NT5DC3: variants seen among roughly 807,000 people sequenced by gnomAD.
The protein encoded by NT5DC3 is 5'-nucleotidase domain containing 3.
NT5DC3 carries 42 observed loss-of-function variants against 67.8 expected under a neutral mutation model. That is an observed-to-expected ratio of 0.62 (90% CI 0.48 to 0.80). NT5DC3 has a LOEUF of 0.80. Ranked by LOEUF, NT5DC3 falls within the 30% of genes least tolerant of loss-of-function variation. The probability of loss-of-function intolerance (pLI) is 0.00; values close to 1 mark genes in which losing one functional copy is unlikely to be tolerated. For synonymous variants in NT5DC3, 237 were observed against 255.6 expected (o/e 0.93, Z 0.69); for missense variants, 570 against 696.4 (o/e 0.82, Z 2.04).
the NT5DC3 span, chr12:103,759,338 G>A: frequency 1.1e-5 from 17 of 1,587,040 alleles, no homozygotes; most frequent in Non-Finnish European, 1.3e-5. Flanking sequence ...CTGGCATACA[G>A]TAGGTGCTTA....
chr12:103,809,899 TC>T (rs546886276), intron 2 of NT5DC3, among the ~76,000 whole-genome samples: 71 of 152,276 alleles, frequency 4.7e-4, no homozygotes, highest in African/African-American at 1.4e-3. Context: ...AGGCATCAAA[TC>T]CTGGTCCTGC....
At chr12:103,778,170 T>TAAAAAAAA in intron 13 of NT5DC3, 89 bp from the exon 14 acceptor site, 5 of 1,174,334 alleles carry the variant, frequency 4.3e-6, no homozygotes, top group Non-Finnish European at 4.6e-6. Flanking sequence ...CTTCTTTTTT[T>TAAAAAAAA]AAAAAAAAAA....
downstream of NT5DC3, chr12:103,766,424 T>C (rs1884971180): frequency 9.6e-6 from 14 of 1,452,788 alleles, no homozygotes; most frequent in Non-Finnish European, 1.3e-5. Flanking sequence ...TTTAGGAACG[T>C]AAAGTCCTTT....
Position 103,841,023 on chromosome 12 carries a change from G to T in NT5DC3, c.134C>A (p.Thr45Asn). The T allele has an allele frequency of 1.6e-6, 2 of 1,283,704 alleles. No individual in the cohort carries two copies. Among genetic ancestry groups the T allele is most frequent in the South Asian group, 2.9e-5 (1 of 34,536 alleles). 79.5% of individuals were successfully genotyped at this position (1,283,704 alleles called of 1,614,324 possible). A position where few individuals can be genotyped will look rare whatever the true frequency, so the allele number is the denominator to read the frequency against. ...PCAGPARPLC[T>N]APGTAPDMKR... ...CATGTCCGGGGCGGTCCCGGGTGCA[G>T]TGCACAAGGGCCGGGCGGGGCCCGC... The change falls in exon 1 of 14, where the codon ACT becomes AAT. Residue 45 changes from threonine to asparagine, a missense_variant. Physicochemically the swap from Thr to Asn is moderately conservative, Grantham distance 65 (BLOSUM62 0). Around this residue, in one of 2 missense-constraint regions of NT5DC3, gnomAD observed 104 missense variants for 88.4 expected, o/e 1.18. Transcript: ENST00000392876.
chr12:103,749,151 G>C, the NT5DC3 span: 7 of 1,595,800 alleles, frequency 4.4e-6, no homozygotes, highest in Non-Finnish European at 6.0e-6. Flanking sequence ...TAAGATGACA[G>C]GCCCGGTGAG....
chr12:103,796,980 C>T lies in NT5DC3; in HGVS notation c.667G>A (p.Glu223Lys), dbSNP rs767807274. ...KQFMDIFSLP[E>K]MTLLSCVNEY... is the part of the protein sequence containing the mutation. ...TTCACGCAGGACAGGAGGGTCATCT[C>T]GGGCAGGGAGAAGATGTCCATGAAC... The change falls in exon 6 of 14, where the codon GAG becomes AAG. Residue 223 changes from glutamate (E) to lysine (K), a missense_variant. Around this residue, in one of 2 missense-constraint regions of NT5DC3, gnomAD observed 466 missense variants for 608.0 expected, o/e 0.77. Transcript: ENST00000392876. 2.5e-6 allele frequency: 4 copies of T among 1,614,034 alleles called. No homozygotes were observed. Among genetic ancestry groups the T allele is most frequent in the East Asian group, 4.5e-5 (2 of 44,874 alleles).
At chr12:103,753,090 G>C in the NT5DC3 span, 4 of 1,065,546 alleles carry the variant, frequency 3.8e-6, no homozygotes, top group East Asian at 1.0e-4. Flanking sequence ...ATAACTTGAA[G>C]GGAAAGTGGC....
intron 4 of NT5DC3, among the ~76,000 whole-genome samples, chr12:103,804,604 A>G (rs907603921): frequency 6.6e-6 from 1 of 152,256 alleles, no homozygotes; most frequent in African/African-American, 2.4e-5. Context: ...ATTGGAAAAT[A>G]AATACATGCC....
downstream of NT5DC3, among the ~76,000 whole-genome samples, chr12:103,767,595 A>T (rs1467458020): frequency 6.6e-6 from 1 of 152,198 alleles, no homozygotes; most frequent in Non-Finnish European, 1.5e-5. Flanking sequence ...TAAATAATAC[A>T]TCATCTTTCC....
chr12:103,840,421 A>G (rs376483930), intron 1 of NT5DC3, among the ~76,000 whole-genome samples: 2 of 142,922 alleles, frequency 1.4e-5, no homozygotes, highest in African/African-American at 5.2e-5. Context: ...ATCTCATCTC[A>G]TTCCATCCCA....
intron 5 of NT5DC3, among the ~76,000 whole-genome samples, chr12:103,797,908 C>G (rs1482116763): frequency 6.6e-6 from 1 of 152,184 alleles, no homozygotes; most frequent in African/African-American, 2.4e-5. Context: ...TAAGCATTCT[C>G]AGAACATTTA....
chr12:103,815,045 G>A lies in NT5DC3; in HGVS notation c.285C>T (p.Asp95=), dbSNP rs199673484. 17 of 1,613,506 alleles carry A rather than the reference G, an allele frequency of 1.1e-5. No homozygotes were observed. Among genetic ancestry groups the A allele is most frequent in the Non-Finnish European group, 1.4e-5 (17 of 1,179,562 alleles). ...CATAATCGAAGCCATAGATTTCAAT[G>A]TCTGACAGGCTCATTTCATTGTTTG... ...IFSNNEMSLS[D]IEIYGFDYDY... is the part of the protein sequence containing the mutation. The change falls in exon 2 of 14, where the codon GAC becomes GAT. Residue 95 remains aspartate, a synonymous_variant. Transcript: ENST00000392876.
intron 6 of NT5DC3, 109 bp from the exon 7 acceptor site, chr12:103,794,106 A>G: frequency 1.3e-6 from 1 of 792,350 alleles, no homozygotes; most frequent in South Asian, 1.5e-5. Flanking sequence ...AAGTCTGACA[A>G]TCCAGGCCCT....
chr12:103,801,811 A>G (rs368349596), intron 4 of NT5DC3, among the ~76,000 whole-genome samples: 6 of 152,270 alleles, frequency 3.9e-5, no homozygotes, highest in African/African-American at 1.4e-4. Context: ...GGCCACACGC[A>G]AGGCTCAGTG....
intron 2 of NT5DC3, 94 bp downstream of exon 2, chr12:103,814,843 G>T: frequency 1.2e-6 from 1 of 819,488 alleles, no homozygotes; most frequent in Non-Finnish European, 1.8e-6. Context: ...TTTATTAAAT[G>T]ACTTCTCTGT....
At chr12:103,767,042 CAG>C (rs1207885968), downstream of NT5DC3, 5 of 152,222 alleles carry the variant, frequency 3.3e-5, no homozygotes, top group African/African-American at 7.2e-5. Flanking sequence ...AAGTTAAACA[CAG>C]AGTTACCATA....
chr12:103,766,365 C>A (rs1297456238), downstream of NT5DC3: 8 of 1,591,732 alleles, frequency 5.0e-6, no homozygotes, highest in Non-Finnish European at 6.9e-6. Flanking sequence ...CCAGCCATCA[C>A]TCACTGCCAC....
At chr12:103,785,541 C>G in intron 11 of NT5DC3, 66 bp from the exon 12 acceptor site, 1 of 1,534,076 alleles carries the variant, frequency 6.5e-7, no homozygotes, top group South Asian at 1.1e-5. Context: ...TCATTATTTT[C>G]CCAGACATGA....
At position 103,787,567 on chromosome 12, in the gene NT5DC3, A is replaced by G. The variant is rs1259599585; in HGVS notation, c.1102-40T>C. On this transcript the variant is annotated intron_variant, in intron 10 of 13. Coordinates refer to ENST00000392876, the MANE Select transcript of NT5DC3 (RefSeq NM_001031701.3). ...AACTATAGTTATTATTATTACAGAT[A>G]GAGATCTGTCTAACCCACAGTACAA... 3.4e-6 allele frequency: 4 copies of G among 1,183,976 alleles called. No homozygotes were observed. In the East Asian group the frequency reaches 9.4e-5, roughly 28 times the overall value. 73.3% of individuals were successfully genotyped at this position (1,183,976 alleles called of 1,614,324 possible).
Sources: allele counts gnomAD v4.1 joint callset (sites outside exome capture counted in the v4.1 genomes callset), GRCh38; gene constraint gnomAD v4.1.1; regional missense constraint gnomAD v4.1.1; transcripts MANE v1.5; gene names NCBI Gene and HGNC (gene_info 2026-07-23, HGNC 2026-07-21).